SLC24A3: variants seen among roughly 807,000 people sequenced by gnomAD.
SLC24A3 encodes the protein solute carrier family 24 member 3.
SLC24A3 carries 28 observed loss-of-function variants against 75.8 expected under a neutral mutation model. That is an observed-to-expected ratio of 0.37 (90% CI 0.27 to 0.51). The LOEUF (loss-of-function observed/expected upper bound fraction) is 0.51, where lower values mean the gene tolerates loss of function less well. Among genes scored for constraint, SLC24A3 ranks in the 20% least tolerant of loss-of-function variants. The pLI is 0.94. For missense variants in SLC24A3, 663 were observed against 847.8 expected, an observed-to-expected ratio of 0.78 and a Z score of 2.71; for synonymous variants, 372 against 334.1, an observed-to-expected ratio of 1.11 and a Z score of -1.24.
chr20:19,605,723 T>C (rs985994257), intron 6 of SLC24A3, among the ~76,000 whole-genome samples: 1 of 152,248 alleles, frequency 6.6e-6, no homozygotes, highest in Non-Finnish European at 1.5e-5. Context: ...TTTTTAAGCT[T>C]CAGTTTTCCC....
chr20:19,517,459 G>C (rs757845486), intron 3 of SLC24A3, among the ~76,000 whole-genome samples: 2 of 152,174 alleles, frequency 1.3e-5, no homozygotes, highest in African/African-American at 4.8e-5. Flanking sequence ...ACCCAGGAAG[G>C]TTTCTGGTGT....
At chr20:19,665,960 G>A in intron 8 of SLC24A3, 71 bp downstream of exon 8, 1 of 1,515,638 alleles carries the variant, frequency 6.6e-7, no homozygotes, top group Non-Finnish European at 9.0e-7. Context: ...GAAGACCAGT[G>A]TTGGGATTCA....
chr20:19,708,180 C>A (rs1221466447), intron 15 of SLC24A3, among the ~76,000 whole-genome samples: 1 of 152,082 alleles, frequency 6.6e-6, no homozygotes, highest in Non-Finnish European at 1.5e-5. Context: ...CTAAGGCCAG[C>A]GCTTTCAACC....
intron 15 of SLC24A3, among the ~76,000 whole-genome samples, chr20:19,710,223 CTA>C (rs1459269017): frequency 5.3e-5 from 8 of 152,210 alleles, no homozygotes; most frequent in Admixed American, 5.2e-4. Flanking sequence ...TGACCACAAA[CTA>C]GAGAGAGATT....
At chr20:19,320,465 T>G (rs924552127) in intron 2 of SLC24A3, among the ~76,000 whole-genome samples, 3 of 152,094 alleles carry the variant, frequency 2.0e-5, no homozygotes, top group Non-Finnish European at 4.4e-5. Context: ...TCATTCTGCT[T>G]GGAGTGTGCT....
In SLC24A3 at chr20:19,653,387, A is replaced by G. The variant is rs373613693; in HGVS notation, c.613-675A>G. On this transcript the variant is annotated intron_variant, in intron 6 of 16. Transcript: ENST00000328041. ...ACATTTTCCCCTGGATCAGTATGCA[A>G]ATCAATCTTTCAAAGATTCTGATTA... Among the ~76,000 whole-genome samples the G allele has an allele frequency of 5.9e-5, 9 of 152,338 alleles. 1 individual carries two copies. Among genetic ancestry groups the G allele is most frequent in the East Asian group, 1.9e-4 (1 of 5,178 alleles).
chr20:19,401,671 C>T (rs1986554466), intron 2 of SLC24A3, among the ~76,000 whole-genome samples: 1 of 152,212 alleles, frequency 6.6e-6, no homozygotes, highest in Non-Finnish European at 1.5e-5. Context: ...CAAGTTCTGA[C>T]TTCACTTCTT....
intron 2 of SLC24A3, among the ~76,000 whole-genome samples, chr20:19,505,124 C>G (rs1056236503): frequency 4.6e-5 from 7 of 152,222 alleles, no homozygotes; most frequent in African/African-American, 1.7e-4. Context: ...TGTCTGTTCT[C>G]TTCCAGGAGA....
chr20:19,598,281 G>T (rs1424241238), intron 6 of SLC24A3, among the ~76,000 whole-genome samples: 5 of 152,134 alleles, frequency 3.3e-5, no homozygotes, highest in Non-Finnish European at 7.3e-5. Flanking sequence ...GAAACCTGGA[G>T]CCTGGACCTG....
intron 1 of SLC24A3, among the ~76,000 whole-genome samples, chr20:19,215,537 G>C (rs146208366): frequency 4.5e-4 from 68 of 152,124 alleles, no homozygotes; most frequent in Middle Eastern, 3.4e-3. Context: ...TAACTTCTCA[G>C]AAGCTCGTTT....
intron 2 of SLC24A3, among the ~76,000 whole-genome samples, chr20:19,506,657 T>TTGA (rs1221498140): frequency 6.6e-6 from 1 of 152,152 alleles, no homozygotes; most frequent in African/African-American, 2.4e-5. Flanking sequence ...TTTTCAATAC[T>TTGA]TGATAAAGGT....
At chr20:19,530,143 C>T (rs562302542) in intron 3 of SLC24A3, among the ~76,000 whole-genome samples, 2 of 151,968 alleles carry the variant, frequency 1.3e-5, no homozygotes, top group Non-Finnish European at 2.9e-5. Flanking sequence ...TGAATGTATT[C>T]ATATATACTT....
chr20:19,339,417 C>G (rs1456444360), intron 2 of SLC24A3, among the ~76,000 whole-genome samples: 3 of 152,058 alleles, frequency 2.0e-5, no homozygotes, highest in African/African-American at 7.2e-5. Flanking sequence ...TCTATATAAC[C>G]ATTTGTAAAA....
At chr20:19,279,667 G>A (rs1983599365) in intron 1 of SLC24A3, among the ~76,000 whole-genome samples, 1 of 152,022 alleles carries the variant, frequency 6.6e-6, no homozygotes, top group Admixed American at 6.6e-5. Flanking sequence ...TCTCCACCGG[G>A]AGACCCCATT....
intron 6 of SLC24A3, among the ~76,000 whole-genome samples, chr20:19,648,869 A>C (rs560020767): frequency 6.6e-6 from 1 of 152,256 alleles, no homozygotes; most frequent in Non-Finnish European, 1.5e-5. Context: ...AGAAATATCA[A>C]GATGAAATTC....
intron 2 of SLC24A3, among the ~76,000 whole-genome samples, chr20:19,447,203 G>C (rs1331544649): frequency 6.6e-6 from 1 of 152,072 alleles, no homozygotes; most frequent in African/African-American, 2.4e-5. Context: ...TAGGAGGGTG[G>C]GTGTAAAAAT....
At chr20:19,283,710 T>C (rs1983726334) in intron 2 of SLC24A3, among the ~76,000 whole-genome samples, 1 of 152,130 alleles carries the variant, frequency 6.6e-6, no homozygotes, top group African/African-American at 2.4e-5. Context: ...GTTCTCAGAG[T>C]CTCTGTGTGC....
chr20:19,455,713 C>T (rs1373121075), intron 2 of SLC24A3, among the ~76,000 whole-genome samples: 1 of 152,236 alleles, frequency 6.6e-6, no homozygotes, highest in Non-Finnish European at 1.5e-5. Context: ...GTAATATGCT[C>T]ATGAATGTTT....
intron 8 of SLC24A3, among the ~76,000 whole-genome samples, chr20:19,672,651 T>C (rs1235746675): frequency 6.6e-6 from 1 of 152,200 alleles, no homozygotes; most frequent in African/African-American, 2.4e-5. Flanking sequence ...TAATCATTCT[T>C]AATGGATACA....
Sources: gnomAD v4.1 joint callset for allele counts (sites outside exome capture counted in the v4.1 genomes callset) on GRCh38, gnomAD v4.1.1 for gene constraint, MANE v1.5 for transcripts, NCBI Gene and HGNC (gene_info 2026-07-23, HGNC 2026-07-21) for gene names.